The following CTDNEP1 variants were observed in gnomAD, a reference collection of about 807,000 sequenced individuals.
The protein encoded by CTDNEP1 is CTD nuclear envelope phosphatase 1.
A neutral mutation model predicts 30.1 loss-of-function variants in CTDNEP1; 3 were observed. The observed-to-expected ratio is 0.10, with a 90% confidence interval of 0.05 to 0.26. The LOEUF is 0.26. Among genes scored for constraint, CTDNEP1 ranks in the 10% least tolerant of loss-of-function variants. CTDNEP1 has a pLI of 1.00. For synonymous variants in CTDNEP1, 123 were observed against 118.8 expected (o/e 1.04, Z -0.23); for missense variants, 158 against 310.4 (o/e 0.51, Z 3.69).
At position 7,246,594 on chromosome 17, in the gene CTDNEP1, C is replaced by T. The variant is rs2071841042; in HGVS notation, c.360+197G>A. 1 of 661,678 alleles carries T rather than the reference C, an allele frequency of 1.5e-6. No homozygotes were observed. Among genetic ancestry groups the T allele is most frequent in the Non-Finnish European group, 2.7e-6 (1 of 372,462 alleles). 41.0% of individuals were successfully genotyped at this position (661,678 alleles called of 1,614,324 possible). A position where few individuals can be genotyped will look rare whatever the true frequency, so the allele number is the denominator to read the frequency against. On this transcript the variant is annotated intron_variant, in intron 4 of 7. Transcript: ENST00000574322. This position sits in a 1 kb window ranked among gnomAD's most constrained non-coding sequence, Gnocchi z 4.9. Reference sequence around the variant, plus strand: ...AATGCAAGAACAAAAGAGAAAGATGCCAGCGGAAAAGAATTACATCAGCAC... The same window carrying T: ...AATGCAAGAACAAAAGAGAAAGATGTCAGCGGAAAAGAATTACATCAGCAC...
At chr17:7,251,937 T>C (rs1402497590), upstream of CTDNEP1, 3 of 158,720 alleles carry the variant, frequency 1.9e-5, no homozygotes, top group Non-Finnish European at 2.8e-5. Flanking sequence ...TGCAGCTGGG[T>C]TTCCCACTCT....
At position 7,244,223 on chromosome 17, in the gene CTDNEP1, C is replaced by G; in HGVS notation, c.697G>C (p.Val233Leu). The change falls in exon 8 of 8, where the codon GTG (valine) becomes CTG (leucine). Residue 233 changes from valine (V) to leucine (L), a missense_variant. Val to Leu is a conservative substitution (Grantham distance 32, BLOSUM62 1). This residue lies in a region of CTDNEP1 where 96 missense variants were observed against 229.1 expected (regional missense o/e 0.42). Coordinates refer to ENST00000574322, the MANE Select transcript of CTDNEP1 (RefSeq NM_001143775.2). ...TGTTGGTGAAGGTTTCGGCTCAGCA[C>G]GGAACGAACATCAGCGGTGAACCTG... Reference protein sequence around the residue: ...ALRFTADVRSVLSRNLHQHRL... With the variant: ...ALRFTADVRSLLSRNLHQHRL... 6.2e-7 allele frequency: 1 copy of G among 1,614,084 alleles called. No homozygotes were observed. Among genetic ancestry groups the G allele is most frequent in the South Asian group, 1.1e-5 (1 of 91,088 alleles).
At position 7,246,493 on chromosome 17, in the gene CTDNEP1, G is replaced by A; in HGVS notation, c.361-123C>T. The A allele has an allele frequency of 1.3e-6, 1 of 756,342 alleles. No homozygotes were observed. The highest frequency in any genetic ancestry group is 2.2e-6 in the Non-Finnish European group (1 of 447,822). The allele number at this position is 756,342 out of a possible 1,614,324, so 46.9% of individuals were successfully genotyped here. ...CCTTCCATCAACATCAAATGTCTCT[G>A]AGGACACGAAATTCTGAACCCCCAG... On this transcript the variant is annotated intron_variant, in intron 4 of 7. Transcript: ENST00000574322. The surrounding 1 kb of genome is among the most constrained non-coding windows in gnomAD (Gnocchi z 4.9).
At chr17:7,248,507 G>A (rs1256759013) in intron 1 of CTDNEP1, among the ~76,000 whole-genome samples, 14 of 150,490 alleles carry the variant, frequency 9.3e-5, no homozygotes, top group Admixed American at 2.6e-4. Context: ...CTATAGGCGC[G>A]CGAACCACGC....
At position 7,246,557 on chromosome 17, in the gene CTDNEP1, TTA is replaced by T; in HGVS notation, c.361-189_361-188del. On this transcript the variant is annotated intron_variant, in intron 4 of 7. Transcript: ENST00000574322. The surrounding 1 kb of genome is among the most constrained non-coding windows in gnomAD (Gnocchi z 4.9). ...ACTCAGTGTTAGGCATCCTACACTC[TTA>T]TGATTCAGAAATGCAAGAACAAAAG... 1.6e-6 allele frequency: 1 copy of T among 639,516 alleles called. No homozygotes were observed. The highest frequency in any genetic ancestry group is 2.6e-5 in the East Asian group (1 of 37,970). 39.6% of individuals were successfully genotyped at this position (639,516 alleles called of 1,614,324 possible).
intron 6 of CTDNEP1, among the ~76,000 whole-genome samples, chr17:7,245,758 A>G (rs1242543518): frequency 1.3e-5 from 2 of 152,110 alleles, no homozygotes; most frequent in Admixed American, 1.3e-4. Flanking sequence ...TCGGCCTCCC[A>G]AAGTGCTGGG....
At chr17:7,250,394 G>A (rs2071898955) in intron 1 of CTDNEP1, among the ~76,000 whole-genome samples, 1 of 152,080 alleles carries the variant, frequency 6.6e-6, no homozygotes, top group African/African-American at 2.4e-5. Context: ...AAGGGAGAGG[G>A]GACCCAGAGA....
chr17:7,246,137 G>C lies in CTDNEP1; in HGVS notation c.478C>G (p.His160Asp). ...SILKRRYYRQ[H>D]CTLELGSYIK... ...TAGCTGCCCAACTCCAAAGTGCAGT[G>C]CTGGAAGGCAGGGGATCATGTAGCA... The change falls in exon 6 of 8, where the codon CAC (histidine) becomes GAC (aspartate). Residue 160 changes from histidine to aspartate, a missense_variant and splice_region_variant. Around this residue, in one of 2 missense-constraint regions of CTDNEP1, gnomAD observed 96 missense variants for 229.1 expected, o/e 0.42. Transcript: ENST00000574322. The surrounding 1 kb of genome is among the most constrained non-coding windows in gnomAD (Gnocchi z 4.9). 1 of 1,612,078 alleles carries C rather than the reference G, an allele frequency of 6.2e-7. No individual in the cohort carries two copies. Among genetic ancestry groups the C allele is most frequent in the Non-Finnish European group, 8.5e-7 (1 of 1,178,178 alleles).
At chr17:7,248,784 C>T (rs2071877453) in intron 1 of CTDNEP1, among the ~76,000 whole-genome samples, 1 of 152,192 alleles carries the variant, frequency 6.6e-6, no homozygotes, top group Non-Finnish European at 1.5e-5. Flanking sequence ...GCCTCAGATT[C>T]CCTAGTGCAC....
chr17:7,245,886 T>C, intron 6 of CTDNEP1, 140 bp downstream of exon 6: 1 of 602,026 alleles, frequency 1.7e-6, no homozygotes, highest in Non-Finnish European at 3.0e-6. Flanking sequence ...AACACAAAAA[T>C]AACTTGCATT....
Position 7,247,342 on chromosome 17 carries a change from A to G in CTDNEP1, c.104T>C (p.Val35Ala), listed in dbSNP as rs1433397481. ...IYLLRRQIRT[V>A]IQYQTVRYDI... is the part of the protein sequence containing the mutation. ...ATATCGAACAGTTTGGTACTGAATT[A>G]CCTACAAATAGCACAAAAGAGGATT... Residue 35 changes from valine (V) to alanine (A), a missense_variant and splice_region_variant, in exon 2 of 8, where the codon GTA (valine) becomes GCA (alanine). Val to Ala is a moderately conservative substitution (Grantham distance 64). This residue lies in a region of CTDNEP1 where 62 missense variants were observed against 81.4 expected (regional missense o/e 0.76). Transcript: ENST00000574322. 2 of 1,613,252 alleles carry G rather than the reference A, an allele frequency of 1.2e-6. No homozygotes were observed. The highest frequency in any genetic ancestry group is 2.7e-5 in the African/African-American group (2 of 74,896).
chr17:7,246,515 C>T lies in CTDNEP1; in HGVS notation c.361-145G>A. On this transcript the variant is annotated intron_variant, in intron 4 of 7. Coordinates refer to ENST00000574322, the MANE Select transcript of CTDNEP1 (RefSeq NM_001143775.2). This position sits in a 1 kb window ranked among gnomAD's most constrained non-coding sequence, Gnocchi z 4.9. Reference sequence around the variant, plus strand: ...TCTGAGGACACGAAATTCTGAACCCCCAGCCCAAACCTCCAAACTCAGTGT... The same window carrying T: ...TCTGAGGACACGAAATTCTGAACCCTCAGCCCAAACCTCCAAACTCAGTGT... The T allele has an allele frequency of 1.5e-6, 1 of 675,980 alleles. No homozygotes were observed. Among genetic ancestry groups the T allele is most frequent in the Non-Finnish European group, 2.6e-6 (1 of 388,228 alleles). The allele number at this position is 675,980 out of a possible 1,614,324, so 41.9% of individuals were successfully genotyped here. A position where few individuals can be genotyped will look rare whatever the true frequency, so the allele number is the denominator to read the frequency against.
chr17:7,247,179 T>C lies in CTDNEP1; in HGVS notation c.173A>G (p.Gln58Arg), dbSNP rs2071849634. The C allele has an allele frequency of 6.2e-7, 1 of 1,613,192 alleles. No homozygotes were observed. Among genetic ancestry groups the C allele is most frequent in the African/African-American group, 1.3e-5 (1 of 74,928 alleles). The change falls in exon 3 of 8, where the codon CAG becomes CGG. Residue 58 changes from glutamine (Q) to arginine (R), a missense_variant. Physicochemically the swap from Gln to Arg is conservative, Grantham distance 43. This residue lies in a region of CTDNEP1 where 62 missense variants were observed against 81.4 expected (regional missense o/e 0.76). Coordinates refer to ENST00000574322, the MANE Select transcript of CTDNEP1 (RefSeq NM_001143775.2). ...LSPVSRNRLA[Q>R]VKRKILVLDL... ...CAGCACCAGGATCTTCCTCTTCACC[T>C]GGGCTGAACCAGAGTGGGGAGGAAT...
Position 7,244,217 on chromosome 17 carries a change from T to G in CTDNEP1, c.703A>C (p.Ser235Arg), listed in dbSNP as rs765733554. 1 of 1,614,090 alleles carries G rather than the reference T, an allele frequency of 6.2e-7. No individual in the cohort carries two copies. Among genetic ancestry groups the G allele is most frequent in the Non-Finnish European group, 8.5e-7 (1 of 1,180,024 alleles). The change falls in exon 8 of 8, where the codon AGC becomes CGC. Residue 235 changes from serine to arginine, a missense_variant. By Grantham distance (110) the Ser-to-Arg change is moderately radical (BLOSUM62 -1). Coordinates refer to ENST00000574322, the MANE Select transcript of CTDNEP1 (RefSeq NM_001143775.2). ...AGCCGATGTTGGTGAAGGTTTCGGC[T>G]CAGCACGGAACGAACATCAGCGGTG... ...RFTADVRSVL[S>R]RNLHQHRLW is the part of the protein sequence containing the mutation.
chr17:7,245,313 A>T (rs921427434), intron 6 of CTDNEP1, among the ~76,000 whole-genome samples: 3 of 151,058 alleles, frequency 2.0e-5, no homozygotes, highest in South Asian at 2.1e-4. Context: ...AAAAATAAAA[A>T]AATTAGCTGG....
intron 6 of CTDNEP1, among the ~76,000 whole-genome samples, chr17:7,245,031 G>A (rs991698005): frequency 2.0e-5 from 3 of 152,126 alleles, no homozygotes; most frequent in African/African-American, 2.4e-5. Flanking sequence ...AGTGGCTTAC[G>A]CCTGTAATCC....
chr17:7,245,503 T>C (rs987176673), intron 6 of CTDNEP1, among the ~76,000 whole-genome samples: 5 of 151,516 alleles, frequency 3.3e-5, no homozygotes, highest in African/African-American at 4.8e-5. Flanking sequence ...ATTTATTTAT[T>C]ATTTATTTTT....
In CTDNEP1 at chr17:7,251,231, G is replaced by A. The variant is rs1038397653; in HGVS notation, c.66C>T (p.Ser22=). 1.9e-6 allele frequency: 3 copies of A among 1,602,382 alleles called. No homozygotes were observed. The highest frequency in any genetic ancestry group is 1.3e-5 in the African/African-American group (1 of 74,266). The change falls in exon 1 of 8, where the codon AGC becomes AGT. Residue 22 remains serine, a synonymous_variant. Coordinates refer to ENST00000574322, the MANE Select transcript of CTDNEP1 (RefSeq NM_001143775.2). ...TFVAFAAKLW[S]FFIYLLRRQI... is the part of the protein sequence containing the mutation. ...GCCTCCGCAGAAGGTAAATGAAGAA[G>A]CTCCAGAGCTTGGCGGCGAAGGCCA...
At chr17:7,251,747 G>A (rs2071932823), upstream of CTDNEP1, 1 of 152,444 alleles carries the variant, frequency 6.6e-6, no homozygotes, top group Admixed American at 6.5e-5. Context: ...TCGCAGGAAC[G>A]GGGAGGGCGG....
Sources: allele counts gnomAD v4.1 joint callset (sites outside exome capture counted in the v4.1 genomes callset), GRCh38; gene constraint gnomAD v4.1.1; regional missense constraint gnomAD v4.1.1; non-coding constraint Gnocchi (gnomAD v3.1); transcripts MANE v1.5; gene names NCBI Gene and HGNC (gene_info 2026-07-23, HGNC 2026-07-21).